MAN1A2: variants seen among roughly 807,000 people sequenced by gnomAD.
MAN1A2 encodes the protein mannosyl-oligosaccharide 1,2-alpha-mannosidase IB.
A neutral mutation model predicts 75.7 loss-of-function variants in MAN1A2; 26 were observed. The observed-to-expected ratio is 0.34, with a 90% CI of 0.25 to 0.48. The LOEUF is 0.48. Among genes scored for constraint, MAN1A2 ranks in the 20% least tolerant of loss-of-function variants. The pLI, the probability that MAN1A2 is intolerant of heterozygous loss-of-function variation, is 0.99. For synonymous variants in MAN1A2, 247 were observed against 264.6 expected (o/e 0.93, Z 0.65); for missense variants, 562 against 775.5 (o/e 0.72, Z 3.27).
At position 117,526,880 on chromosome 1, in the gene MAN1A2, C is replaced by CTATATATATATATATA. The variant is rs59022844; in HGVS notation, c.*3937_*3952dup. On this transcript the variant is annotated 3_prime_UTR_variant, in exon 13 of 13. Coordinates refer to ENST00000356554, the MANE Select transcript of MAN1A2 (RefSeq NM_006699.5). Reference sequence around the variant, plus strand: ...TCTCTCTCTCTCTCTCTCTCTCTCTCTATATATATATATATATATATATAT... The same window carrying CTATATATATATATATA: ...TCTCTCTCTCTCTCTCTCTCTCTCTCTATATATATATATATATATATATATATATATATATATATAT... 8.8e-4 allele frequency: 48 copies of CTATATATATATATATA among 54,504 alleles called. No homozygotes were observed. Among genetic ancestry groups the CTATATATATATATATA allele is most frequent in the Admixed American group, 2.6e-3 (11 of 4,168 alleles). 3.4% of individuals were successfully genotyped at this position (54,504 alleles called of 1,614,324 possible).
At chr1:117,449,748 C>T (rs1406437108) in intron 6 of MAN1A2, among the ~76,000 whole-genome samples, 4 of 152,048 alleles carry the variant, frequency 2.6e-5, no homozygotes, top group African/African-American at 7.2e-5. Context: ...GTGAAATAGC[C>T]GTATTGCCAA....
chr1:117,394,233 C>T (rs1653835542), intron 1 of MAN1A2, among the ~76,000 whole-genome samples: 1 of 152,126 alleles, frequency 6.6e-6, no homozygotes, highest in Non-Finnish European at 1.5e-5. Flanking sequence ...AGGCACCCGC[C>T]ACCATGCCTG....
intron 1 of MAN1A2, among the ~76,000 whole-genome samples, chr1:117,395,395 A>G (rs937356678): frequency 6.6e-6 from 1 of 152,190 alleles, no homozygotes; most frequent in Non-Finnish European, 1.5e-5. Flanking sequence ...TAATTTTTTC[A>G]TAACAAGGTA....
At chr1:117,400,942 C>T (rs2101752115) in intron 1 of MAN1A2, among the ~76,000 whole-genome samples, 1 of 152,222 alleles carries the variant, frequency 6.6e-6, no homozygotes, top group South Asian at 2.1e-4. Context: ...GTACAACCAT[C>T]ACCATCATCC....
chr1:117,429,894 C>T (rs1296548905), intron 5 of MAN1A2, among the ~76,000 whole-genome samples: 1 of 71,062 alleles, frequency 1.4e-5, no homozygotes. Flanking sequence ...GGGCGGCTGG[C>T]CGGGCAGAGG....
intron 6 of MAN1A2, among the ~76,000 whole-genome samples, chr1:117,454,225 C>T (rs1192558100): frequency 1.3e-5 from 2 of 152,002 alleles, no homozygotes; most frequent in Non-Finnish European, 2.9e-5. Flanking sequence ...CTGAGATATG[C>T]CTGTTTTTAA....
intron 5 of MAN1A2, among the ~76,000 whole-genome samples, chr1:117,432,535 C>G (rs1276900403): frequency 2.0e-5 from 3 of 152,052 alleles, no homozygotes; most frequent in African/African-American, 7.2e-5. Flanking sequence ...ATAGACAAAA[C>G]AAATTTTCTA....
intron 3 of MAN1A2, among the ~76,000 whole-genome samples, chr1:117,410,710 C>G (rs1647783243): frequency 6.6e-6 from 1 of 150,580 alleles, no homozygotes; most frequent in African/African-American, 2.4e-5. Flanking sequence ...AGAGAGAATC[C>G]TAGGGAATGT....
At chr1:117,417,574 T>A (rs1648042206) in intron 4 of MAN1A2, among the ~76,000 whole-genome samples, 1 of 140,844 alleles carries the variant, frequency 7.1e-6, no homozygotes, top group Admixed American at 7.1e-5. Flanking sequence ...ATATATGTTT[T>A]ATAAAAATAC....
At chr1:117,436,469 A>G (rs1423337491) in intron 5 of MAN1A2, among the ~76,000 whole-genome samples, 4 of 152,192 alleles carry the variant, frequency 2.6e-5, no homozygotes, top group Non-Finnish European at 5.9e-5. Context: ...AGCTGCTGCT[A>G]TAGGAAGGGA....
intron 1 of MAN1A2, among the ~76,000 whole-genome samples, chr1:117,371,973 A>G (rs949175003): frequency 1.3e-5 from 2 of 152,224 alleles, no homozygotes; most frequent in African/African-American, 4.8e-5. Flanking sequence ...AATACAAATC[A>G]ATCAATATTT....
At chr1:117,485,083 A>G (rs931706971) in intron 8 of MAN1A2, among the ~76,000 whole-genome samples, 6 of 151,980 alleles carry the variant, frequency 3.9e-5, no homozygotes, top group African/African-American at 9.7e-5. Flanking sequence ...AAGGTTTTCT[A>G]TGTAAAATCA....
intron 8 of MAN1A2, among the ~76,000 whole-genome samples, chr1:117,473,708 C>G (rs1650230611): frequency 6.6e-6 from 1 of 151,982 alleles, no homozygotes; most frequent in Non-Finnish European, 1.5e-5. Context: ...AGCTCAATCC[C>G]TCACTTTCTT....
At chr1:117,505,657 T>C (rs1033264969) in intron 12 of MAN1A2, among the ~76,000 whole-genome samples, 5 of 151,300 alleles carry the variant, frequency 3.3e-5, no homozygotes, top group African/African-American at 1.2e-4. Context: ...TTCCTGGCAG[T>C]ACATTCAGCA....
intron 11 of MAN1A2, among the ~76,000 whole-genome samples, chr1:117,500,928 T>C (rs1342745162): frequency 4.6e-5 from 7 of 151,868 alleles, no homozygotes; most frequent in African/African-American, 1.4e-4. Context: ...AATAATCATA[T>C]AATGAATCTG....
intron 5 of MAN1A2, among the ~76,000 whole-genome samples, chr1:117,434,182 C>G (rs1461402678): frequency 2.0e-5 from 3 of 152,136 alleles, no homozygotes; most frequent in Non-Finnish European, 4.4e-5. Flanking sequence ...TTTATTTAGA[C>G]CACATTGTTT....
At chr1:117,370,211 A>G (rs953909024) in intron 1 of MAN1A2, among the ~76,000 whole-genome samples, 2 of 152,168 alleles carry the variant, frequency 1.3e-5, no homozygotes, top group African/African-American at 4.8e-5. Flanking sequence ...ATCTAAAACT[A>G]TTGGGTTCCT....
intron 1 of MAN1A2, among the ~76,000 whole-genome samples, chr1:117,384,224 T>A (rs1037782961): frequency 6.6e-6 from 1 of 152,180 alleles, no homozygotes; most frequent in Non-Finnish European, 1.5e-5. Context: ...GATTATTGAT[T>A]TTAGATCTTT....
At chr1:117,409,612 C>G (rs1557938442) in intron 3 of MAN1A2, among the ~76,000 whole-genome samples, 2 of 152,020 alleles carry the variant, frequency 1.3e-5, no homozygotes, top group South Asian at 2.1e-4. Context: ...CAGGCTGTCT[C>G]TATCTTAGTT....
Sources: gnomAD v4.1 joint callset for allele counts (sites outside exome capture counted in the v4.1 genomes callset) on GRCh38, gnomAD v4.1.1 for gene constraint, MANE v1.5 for transcripts, NCBI Gene and HGNC (gene_info 2026-07-23, HGNC 2026-07-21) for gene names.